RPA2: variants seen among roughly 807,000 people sequenced by gnomAD.
RPA2 encodes the protein replication protein A 32 kDa subunit.
In RPA2, 22 loss-of-function variants were observed where a neutral mutation model predicts 33.4. That is an observed-to-expected ratio of 0.66 (90% CI 0.47 to 0.94). The LOEUF is 0.94. Ranked by LOEUF, RPA2 falls within the 40% of genes least tolerant of loss-of-function variation. The pLI, the probability that RPA2 is intolerant of heterozygous loss-of-function variation, is 0.00. For missense variants in RPA2, 279 were observed against 329.9 expected, an observed-to-expected ratio of 0.85 and a Z score of 1.19; for synonymous variants, 109 against 114.9, an observed-to-expected ratio of 0.95 and a Z score of 0.33.
intron 4 of RPA2, among the ~76,000 whole-genome samples, chr1:27,901,815 G>T (rs1400016411): frequency 1.3e-5 from 2 of 152,022 alleles, no homozygotes; most frequent in Non-Finnish European, 2.9e-5. Context: ...GCCCAGGCTG[G>T]TCTTGAAATT....
intron 2 of RPA2, among the ~76,000 whole-genome samples, chr1:27,909,232 C>T (rs1267981032): frequency 1.3e-5 from 2 of 152,184 alleles, no homozygotes; most frequent in African/African-American, 4.8e-5. Flanking sequence ...GACTCTTGGC[C>T]TTCATGGATT....
At chr1:27,898,445 C>T (rs887088573) in intron 4 of RPA2, among the ~76,000 whole-genome samples, 1 of 152,000 alleles carries the variant, frequency 6.6e-6, no homozygotes, top group African/African-American at 2.4e-5. Context: ...ACACACTAAA[C>T]TGTTTATAAT....
chr1:27,906,858 A>G (rs2090035102), intron 4 of RPA2, 70 bp downstream of exon 4: 3 of 1,033,662 alleles, frequency 2.9e-6, no homozygotes, highest in Non-Finnish European at 2.8e-6. Context: ...AAACTTTAAA[A>G]AGACTAAAAA....
At chr1:27,896,757 G>A (rs146846638) in intron 6 of RPA2, among the ~76,000 whole-genome samples, 36 of 152,284 alleles carry the variant, frequency 2.4e-4, no homozygotes, top group African/African-American at 6.5e-4. Context: ...GTCTACACCT[G>A]AGGGTTGTCA....
intron 2 of RPA2, among the ~76,000 whole-genome samples, chr1:27,907,719 G>A (rs1557473157): frequency 6.6e-6 from 1 of 152,198 alleles, no homozygotes; most frequent in African/African-American, 2.4e-5. Context: ...ACAGGACTTT[G>A]GAATTGCTTG....
Position 27,914,424 on chromosome 1 carries a change from CCAT to C in RPA2, c.10+7_10+9del. 19 of 1,606,916 alleles carry C rather than the reference CCAT, an allele frequency of 1.2e-5. No homozygotes were observed. The highest frequency in any genetic ancestry group is 1.6e-5 in the Non-Finnish European group (19 of 1,176,032). On this transcript the variant is annotated splice_region_variant and intron_variant, in intron 1 of 8. Coordinates refer to ENST00000373912, the MANE Select transcript of RPA2 (RefSeq NM_002946.5). ...TCTCTTCCTCCTCCACCCCGCACCC[CCAT>C]CATTACTGTTCCACATCTTGGTCAC...
At chr1:27,909,474 G>A (rs925305875) in intron 2 of RPA2, among the ~76,000 whole-genome samples, 15 of 152,056 alleles carry the variant, frequency 9.9e-5, no homozygotes, top group Non-Finnish European at 1.6e-4. Context: ...TCCCAAGGCC[G>A]AGGCGGGCAG....
chr1:27,914,492 G>T lies in RPA2; in HGVS notation c.-49C>A. ...AGGCCGAGAAGGTGCGGGTCTGGGG[G>T]AATAGCGGAAAACCACAGAACGCGG... On this transcript the variant is annotated 5_prime_UTR_variant, in exon 1 of 9. Transcript: ENST00000373912. The T allele has an allele frequency of 6.3e-7, 1 of 1,593,300 alleles. No individual in the cohort carries two copies.
At position 27,907,301 on chromosome 1, in the gene RPA2, C is replaced by A. The variant is rs1428622937; in HGVS notation, c.118-19G>T. 1 of 1,582,086 alleles carries A rather than the reference C, an allele frequency of 6.3e-7. No individual in the cohort carries two copies. Among genetic ancestry groups the A allele is most frequent in the Admixed American group, 1.9e-5 (1 of 53,128 alleles). ...GGGCTCTCTGAAAAGAAAAAACATG[C>A]AAAATTCAATTAAGAAAGTAATAAC... On this transcript the variant is annotated intron_variant, in intron 2 of 8. Coordinates refer to ENST00000373912, the MANE Select transcript of RPA2 (RefSeq NM_002946.5).
chr1:27,897,276 TGAG>T (rs1484993399), intron 5 of RPA2, among the ~76,000 whole-genome samples, 155 bp from the exon 6 acceptor site: 1 of 151,722 alleles, frequency 6.6e-6, no homozygotes, highest in East Asian at 1.9e-4. Context: ...TGGTCAAACA[TGAG>T]GAGAAAAAAA....
intron 8 of RPA2, among the ~76,000 whole-genome samples, chr1:27,892,932 C>T (rs1261078719): frequency 6.6e-6 from 1 of 152,138 alleles, no homozygotes; most frequent in African/African-American, 2.4e-5. Flanking sequence ...CACCATAAGT[C>T]AGTTTGTTTG....
chr1:27,903,737 T>C (rs1571615335), intron 4 of RPA2, among the ~76,000 whole-genome samples: 1 of 133,872 alleles, frequency 7.5e-6, no homozygotes, highest in Non-Finnish European at 1.6e-5. Context: ...AAAAAAAAAA[T>C]CAGCTCCTCA....
At chr1:27,907,580 C>T (rs2090045089) in intron 2 of RPA2, among the ~76,000 whole-genome samples, 1 of 152,180 alleles carries the variant, frequency 6.6e-6, no homozygotes, top group South Asian at 2.1e-4. Context: ...GAAGAATGAC[C>T]TGCTGCTGCC....
At position 27,906,978 on chromosome 1, in the gene RPA2, C is replaced by T. The variant is rs371117106; in HGVS notation, c.283G>A (p.Asp95Asn). The T allele has an allele frequency of 6.2e-7, 1 of 1,613,664 alleles. No homozygotes were observed. The highest frequency in any genetic ancestry group is 8.5e-7 in the Non-Finnish European group (1 of 1,179,986). ...KAPTNIVYKI[D>N]DMTAAPMDVR... ...TCCATGGGTGCAGCTGTCATGTCATCTATTTTGTAAACAATGTTGGTTGGA... is the reference window on the plus strand; with the variant it reads ...TCCATGGGTGCAGCTGTCATGTCATTTATTTTGTAAACAATGTTGGTTGGA... The change falls in exon 4 of 9, where the codon GAT (aspartate) becomes AAT (asparagine). Residue 95 changes from aspartate to asparagine, a missense_variant. Coordinates refer to ENST00000373912, the MANE Select transcript of RPA2 (RefSeq NM_002946.5).
chr1:27,897,376 GTTCTCCTTTCTCC>G (rs1277984995), intron 5 of RPA2, among the ~76,000 whole-genome samples: 2 of 151,712 alleles, frequency 1.3e-5, no homozygotes, highest in African/African-American at 4.8e-5. Context: ...CGAATCTAGT[GTTCTCCTTTCTCC>G]AACTAATGAA....
chr1:27,903,851 C>T (rs1571615471), intron 4 of RPA2, among the ~76,000 whole-genome samples: 1 of 139,032 alleles, frequency 7.2e-6, no homozygotes, highest in African/African-American at 2.8e-5. Context: ...CAAGCCAAGA[C>T]CCTGTCTCTA....
chr1:27,905,432 T>C (rs1296865951), intron 4 of RPA2, among the ~76,000 whole-genome samples: 2 of 151,980 alleles, frequency 1.3e-5, no homozygotes, highest in Admixed American at 6.6e-5. Flanking sequence ...TAGCTGGGAT[T>C]ATAGGTGCGC....
intron 8 of RPA2, among the ~76,000 whole-genome samples, chr1:27,893,362 G>T (rs6662916): frequency 0.44 from 66,492 of 151,956 alleles, 15,174 homozygotes; most frequent in African/African-American, 0.58. Flanking sequence ...ATGGAGTGCA[G>T]TGGCACAATG....
In RPA2 at chr1:27,897,712, CAT is replaced by C. The variant is rs1018620304; in HGVS notation, c.334-7_334-6del. ...AGTGTTTTCACTGCTGGTGTCCTAA[CAT>C]AAAATACAAACATGTCATTAAAGTT... On this transcript the variant is annotated splice_polypyrimidine_tract_variant and splice_region_variant and intron_variant, in intron 4 of 8. Transcript: ENST00000373912. 6.3e-7 allele frequency: 1 copy of C among 1,576,178 alleles called. No homozygotes were observed. The highest frequency in any genetic ancestry group is 8.6e-7 in the Non-Finnish European group (1 of 1,160,632).
Sources: allele counts gnomAD v4.1 joint callset (sites outside exome capture counted in the v4.1 genomes callset), GRCh38; gene constraint gnomAD v4.1.1; transcripts MANE v1.5; gene names NCBI Gene and HGNC (gene_info 2026-07-23, HGNC 2026-07-21).